USH2A: variants seen among roughly 807,000 people sequenced by gnomAD.
USH2A encodes the protein Usher syndrome 2A (autosomal recessive, mild).
USH2A carries 443 observed loss-of-function variants against 538.9 expected under a neutral mutation model. The observed-to-expected ratio is 0.82, with a 90% CI of 0.76 to 0.89. The LOEUF (loss-of-function observed/expected upper bound fraction) is 0.89. USH2A is among the 40% of genes least tolerant of loss of function. The pLI is 0.00. For synonymous variants in USH2A, 2,413 were observed against 2,273.5 expected, an observed-to-expected ratio of 1.06 and a Z score of -1.75; for missense variants, 6,633 against 6,324.8, an observed-to-expected ratio of 1.05 and a Z score of -1.65.
At chr1:215,908,834 T>C (rs1313264690) in intron 38 of USH2A, among the ~76,000 whole-genome samples, 1 of 151,650 alleles carries the variant, frequency 6.6e-6, no homozygotes. Flanking sequence ...CGGGTAAACG[T>C]TGATGAATGC....
rs398124620 is a variant in USH2A at position 215,888,734 on chromosome 1, A to G, written c.7915T>C (p.Ser2639Pro). 2 of 1,614,058 alleles carry G rather than the reference A, an allele frequency of 1.2e-6. No individual in the cohort carries two copies. Among genetic ancestry groups the G allele is most frequent in the Non-Finnish European group, 1.7e-6 (2 of 1,179,988 alleles). The change falls in exon 41 of 72, where the codon TCT becomes CCT. Residue 2639 changes from serine (S) to proline (P), a missense_variant. Physicochemically the swap from Ser to Pro is moderately conservative, Grantham distance 74. Coordinates refer to ENST00000307340, the MANE Select transcript of USH2A (RefSeq NM_206933.4). Reference protein sequence around the residue: ...SPELFSDTPTSVIISWQPPTH... With the variant: ...SPELFSDTPTPVIISWQPPTH... ...GGGGGTTGCCAAGATATAATCACAG[A>G]TGTTGGAGTATCAGAGAACAGCTCT...
chr1:216,073,877 C>T (rs553179297), intron 27 of USH2A, among the ~76,000 whole-genome samples: 49 of 152,166 alleles, frequency 3.2e-4, no homozygotes, highest in African/African-American at 4.3e-4. Context: ...GAATTTAGCC[C>T]GAGTTACATC....
intron 20 of USH2A, among the ~76,000 whole-genome samples, chr1:216,180,227 C>G (rs777527644): frequency 6.6e-6 from 1 of 151,812 alleles, no homozygotes; most frequent in African/African-American, 2.4e-5. Context: ...AAGTTTAAAA[C>G]GAATCTTCAA....
Position 215,624,263 on chromosome 1 carries a change from T to G in USH2A, c.*1518A>C, listed in dbSNP as rs962644254. On this transcript the variant is annotated 3_prime_UTR_variant, in exon 72 of 72. Coordinates refer to ENST00000307340, the MANE Select transcript of USH2A (RefSeq NM_206933.4). ...TTTGACACTTATGGTTGGCAAACTT[T>G]GTCTAGGAGTTGGTCAGTCTGAGGA... 1 of 152,206 alleles carries G rather than the reference T, an allele frequency of 6.6e-6. No homozygotes were observed. Among genetic ancestry groups the G allele is most frequent in the Non-Finnish European group, 1.5e-5 (1 of 68,038 alleles). 9.4% of individuals were successfully genotyped at this position (152,206 alleles called of 1,614,324 possible). A position where few individuals can be genotyped will look rare whatever the true frequency, so the allele number is the denominator to read the frequency against.
rs961973233 is a variant in USH2A, at chr1:215,791,313, C to T, written c.9959-1031G>A. On this transcript the variant is annotated intron_variant, in intron 50 of 71. Transcript: ENST00000307340. ...AATTTTGTTTGTTTATTATTAGTTC[C>T]GACTGATAACATAAAGAACCTCAAA... 7.9e-5 allele frequency among the ~76,000 whole-genome samples: 12 copies of T among 152,104 alleles called. No individual in the cohort carries two copies. The South Asian group carries it at 8.3e-4, about 11-fold the overall frequency.
chr1:216,294,301 A>G (rs2037062097), intron 9 of USH2A, among the ~76,000 whole-genome samples: 1 of 152,120 alleles, frequency 6.6e-6, no homozygotes, highest in Admixed American at 6.5e-5. Flanking sequence ...TTGACTAGCA[A>G]ATGATAAGTC....
rs72731392 is a variant in USH2A at position 216,214,762 on chromosome 1, A to G, written c.3157+2625T>C. Among the ~76,000 whole-genome samples the G allele has an allele frequency of 9.3e-3, 1,415 of 152,176 alleles. 13 individuals are homozygous for G. Among genetic ancestry groups the G allele is most frequent in the Non-Finnish European group, 0.016 (1,104 of 67,932 alleles). ...AAGAGGCTCTCTGGCAAGGAGAGAT[A>G]AAGAAAAAATGTGGATATAAAGATG... On this transcript the variant is annotated intron_variant, in intron 15 of 71. Transcript: ENST00000307340.
At chr1:215,885,251 A>C (rs1027589152) in intron 41 of USH2A, among the ~76,000 whole-genome samples, 7 of 151,520 alleles carry the variant, frequency 4.6e-5, no homozygotes, top group Non-Finnish European at 7.4e-5. Context: ...TGGGCTTTCT[A>C]CTTTAATTGG....
intron 47 of USH2A, among the ~76,000 whole-genome samples, chr1:215,834,543 G>A (rs1167661782): frequency 6.6e-6 from 1 of 152,146 alleles, no homozygotes; most frequent in East Asian, 1.9e-4. Context: ...AAGGGTAGAA[G>A]AGGGGTTAGC....
At chr1:216,101,709 CA>C (rs1558259244) in intron 21 of USH2A, among the ~76,000 whole-genome samples, 1 of 152,072 alleles carries the variant, frequency 6.6e-6, no homozygotes, top group Non-Finnish European at 1.5e-5. Context: ...CTTTGATTTT[CA>C]AAAAATGAGA....
At chr1:216,198,271 C>T in intron 18 of USH2A, 44 bp downstream of exon 18, 1 of 1,612,708 alleles carries the variant, frequency 6.2e-7, no homozygotes, top group African/African-American at 1.3e-5. Context: ...GAAACATTTG[C>T]ATTCAGAGGT....
intron 61 of USH2A, among the ~76,000 whole-genome samples, chr1:215,702,017 GT>G (rs754498248): frequency 9.9e-5 from 15 of 152,154 alleles, no homozygotes; most frequent in Non-Finnish European, 1.6e-4. Flanking sequence ...GCCTGGTGGT[GT>G]GACAAAATCT....
intron 52 of USH2A, 37 bp downstream of exon 52, chr1:215,786,633 C>A (rs1661808198): frequency 6.2e-7 from 1 of 1,610,244 alleles, no homozygotes; most frequent in East Asian, 2.2e-5. Context: ...CTCACTAACC[C>A]CATTAAGCCA....
intron 3 of USH2A, among the ~76,000 whole-genome samples, chr1:216,413,013 A>G (rs1308181090): frequency 1.3e-5 from 2 of 152,148 alleles, no homozygotes; most frequent in Non-Finnish European, 2.9e-5. Flanking sequence ...AATGATTAAT[A>G]GCAGCTATGA....
intron 37 of USH2A, among the ~76,000 whole-genome samples, chr1:215,936,277 A>C (rs1666494423): frequency 1.3e-5 from 2 of 152,074 alleles, no homozygotes; most frequent in South Asian, 4.1e-4. Flanking sequence ...CATCATACTA[A>C]AAGTGATCTT....
intron 11 of USH2A, among the ~76,000 whole-genome samples, chr1:216,286,723 C>CTAAATAAATAAA (rs145969783): frequency 6.6e-4 from 100 of 151,116 alleles, no homozygotes; most frequent in African/African-American, 2.4e-3. Context: ...GACTCTGTCT[C>CTAAATAAATAAA]TAAATAAATA....
intron 4 of USH2A, among the ~76,000 whole-genome samples, chr1:216,353,205 A>G (rs2102693163): frequency 6.6e-6 from 1 of 152,266 alleles, no homozygotes; most frequent in South Asian, 2.1e-4. Flanking sequence ...TCGTTAAATC[A>G]TTTGAAGATC....
intron 3 of USH2A, among the ~76,000 whole-genome samples, chr1:216,409,137 A>G (rs1316012486): frequency 6.6e-6 from 1 of 152,138 alleles, no homozygotes; most frequent in Non-Finnish European, 1.5e-5. Context: ...CCACAAAAAG[A>G]ATAAAATACC....
Position 215,622,924 on chromosome 1 carries a change from A to ATCTT in USH2A, c.*2853_*2856dup, listed in dbSNP as rs1453411478. 6.6e-6 allele frequency: 1 copy of ATCTT among 152,140 alleles called. No individual in the cohort carries two copies. The highest frequency in any genetic ancestry group is 2.4e-5 in the African/African-American group (1 of 41,456). The allele number at this position is 152,140 out of a possible 1,614,324, so 9.4% of individuals were successfully genotyped here. Reference sequence around the variant, plus strand: ...CATTCAAATATTTATTAAGCAAACCATCTTTAGATTAGTTTACATGATATT... The same window carrying ATCTT: ...CATTCAAATATTTATTAAGCAAACCATCTTTCTTTAGATTAGTTTACATGATATT... On this transcript the variant is annotated 3_prime_UTR_variant, in exon 72 of 72. Coordinates refer to ENST00000307340, the MANE Select transcript of USH2A (RefSeq NM_206933.4).
Sources: gnomAD v4.1 joint callset for allele counts (sites outside exome capture counted in the v4.1 genomes callset) on GRCh38, gnomAD v4.1.1 for gene constraint, MANE v1.5 for transcripts, NCBI Gene and HGNC (gene_info 2026-07-23, HGNC 2026-07-21) for gene names.